Variants in MGAT4A observed in about 807,000 individuals in gnomAD.
The protein encoded by MGAT4A is N-acetylglucosaminyltransferase IVa.
A neutral mutation model predicts 74.1 loss-of-function variants in MGAT4A; 33 were observed. The observed-to-expected ratio is 0.45, with a 90% confidence interval of 0.34 to 0.60. The LOEUF is 0.60. Among genes scored for constraint, MGAT4A ranks in the 20% least tolerant of loss-of-function variants. The pLI is 0.02. For synonymous variants in MGAT4A, 198 were observed against 210.4 expected, an observed-to-expected ratio of 0.94 and a Z score of 0.51; for missense variants, 479 against 628.3, an observed-to-expected ratio of 0.76 and a Z score of 2.54.
At chr2:98,714,473 T>A (rs1702564920) in intron 2 of MGAT4A, among the ~76,000 whole-genome samples, 1 of 152,104 alleles carries the variant, frequency 6.6e-6, no homozygotes, top group African/African-American at 2.4e-5. Context: ...TCAATTAAAA[T>A]CCAAGGGATC....
At chr2:98,656,976 A>G (rs1701670187) in intron 6 of MGAT4A, among the ~76,000 whole-genome samples, 1 of 152,190 alleles carries the variant, frequency 6.6e-6, no homozygotes, top group South Asian at 2.1e-4. Flanking sequence ...GAAGACATTT[A>G]GCAATGTCTG....
In MGAT4A at chr2:98,627,445, G is replaced by A. The variant is rs571437734; in HGVS notation, c.1469-1610C>T. ...AGCTGGAGTGCGATGGCACGATCTCGGCTCACTGCAACCTCTGCTTCCCAG... is the reference window on the plus strand; with the variant it reads ...AGCTGGAGTGCGATGGCACGATCTCAGCTCACTGCAACCTCTGCTTCCCAG... On this transcript the variant is annotated intron_variant, in intron 14 of 15. Transcript: ENST00000393487. 5.9e-5 allele frequency among the ~76,000 whole-genome samples: 9 copies of A among 151,984 alleles called. No homozygotes were observed. In the East Asian group the frequency reaches 9.7e-4, roughly 16 times the overall value.
intron 14 of MGAT4A, among the ~76,000 whole-genome samples, chr2:98,632,363 C>T (rs1559154678): frequency 6.6e-6 from 1 of 152,152 alleles, no homozygotes; most frequent in African/African-American, 2.4e-5. Flanking sequence ...CATCACACGC[C>T]CTGAAAGGTG....
intron 1 of MGAT4A, among the ~76,000 whole-genome samples, chr2:98,730,731 G>A (rs1042166198): frequency 2.7e-5 from 4 of 150,266 alleles, no homozygotes; most frequent in Admixed American, 6.6e-5. Flanking sequence ...GCCGCAGAGA[G>A]GGCGCGCGAC....
chr2:98,670,331 G>A (rs17514013), intron 4 of MGAT4A, among the ~76,000 whole-genome samples: 35,639 of 151,972 alleles, frequency 0.23, 4,934 homozygotes, highest in Non-Finnish European at 0.32. Flanking sequence ...AGCAGTAATT[G>A]TGCATATGTA....
rs146353697 is a variant in MGAT4A at position 98,718,531 on chromosome 2, C to T, written c.94+7708G>A. On this transcript the variant is annotated intron_variant, in intron 2 of 15. Coordinates refer to ENST00000393487, the MANE Select transcript of MGAT4A (RefSeq NM_012214.3). ...AGTATTTGAACCAAGATCATTCCCC[C>T]CTCTTTTCTCCCCAACCAGTGAGGT... Among the ~76,000 whole-genome samples, 44 of 152,274 alleles carry T rather than the reference C, an allele frequency of 2.9e-4. No individual in the cohort carries two copies. In the South Asian group the frequency reaches 6.2e-3, roughly 22 times the overall value.
intron 5 of MGAT4A, among the ~76,000 whole-genome samples, chr2:98,662,785 T>C (rs1701770424): frequency 6.6e-6 from 1 of 152,196 alleles, no homozygotes; most frequent in Admixed American, 6.5e-5. Context: ...ATTTAAGTCT[T>C]AGAGCTAGAA....
In MGAT4A at chr2:98,705,740, G is replaced by A. The variant is rs1702417317; in HGVS notation, c.94+20499C>T. Among the ~76,000 whole-genome samples the A allele has an allele frequency of 2.0e-5, 3 of 151,924 alleles. No individual in the cohort carries two copies. In the South Asian group the frequency reaches 6.2e-4, roughly 31 times the overall value. On this transcript the variant is annotated intron_variant, in intron 2 of 15. Transcript: ENST00000393487. ...AGGTGGATCATGAGGTCAGGAGATC[G>A]AGACCATCCTGGCTAACAAGGTGAA...
Position 98,726,351 on chromosome 2 carries a change from T to C in MGAT4A, c.-19A>G. The C allele has an allele frequency of 6.2e-7, 1 of 1,600,618 alleles. No homozygotes were observed. The highest frequency in any genetic ancestry group is 8.6e-7 in the Non-Finnish European group (1 of 1,169,008). ...GCCTCATCTCATTTCACCATCACAC[T>C]GGTCCATATGTTTATGATGACAACA... On this transcript the variant is annotated 5_prime_UTR_variant, in exon 2 of 16. Coordinates refer to ENST00000393487, the MANE Select transcript of MGAT4A (RefSeq NM_012214.3).
chr2:98,710,946 C>T (rs78506505), intron 2 of MGAT4A, among the ~76,000 whole-genome samples: 4 of 151,308 alleles, frequency 2.6e-5, no homozygotes, highest in Non-Finnish European at 4.4e-5. Context: ...AGAAGAACGG[C>T]GGGTGGGGAG....
intron 1 of MGAT4A, among the ~76,000 whole-genome samples, chr2:98,729,596 A>C (rs1443577003): frequency 6.6e-6 from 1 of 152,252 alleles, no homozygotes; most frequent in Non-Finnish European, 1.5e-5. Context: ...CCCAAAGGTG[A>C]ATGGAACTTT....
At chr2:98,631,655 G>A (rs907240689) in intron 14 of MGAT4A, among the ~76,000 whole-genome samples, 4 of 152,218 alleles carry the variant, frequency 2.6e-5, no homozygotes, top group African/African-American at 9.6e-5. Flanking sequence ...AGCCTAGGCA[G>A]CCCGACTCCA....
chr2:98,626,041 T>C (rs1559153069), intron 14 of MGAT4A, among the ~76,000 whole-genome samples: 1 of 152,160 alleles, frequency 6.6e-6, no homozygotes, highest in South Asian at 2.1e-4. Context: ...AACTTCACAA[T>C]TTACTTAATT....
At chr2:98,683,607 G>C (rs568816414) in intron 2 of MGAT4A, among the ~76,000 whole-genome samples, 2 of 152,036 alleles carry the variant, frequency 1.3e-5, no homozygotes, top group South Asian at 4.2e-4. Flanking sequence ...GCAGATATAG[G>C]CTCAGTCTTT....
chr2:98,719,445 A>G (rs566948550), intron 2 of MGAT4A, among the ~76,000 whole-genome samples: 2 of 152,320 alleles, frequency 1.3e-5, no homozygotes, highest in East Asian at 1.9e-4. Context: ...AAACCAGCAA[A>G]TAACAACAGG....
rs982456835 is a variant in MGAT4A at position 98,619,551 on chromosome 2, T to C, written c.*6015A>G. ...ACAATTGTTACACTTTGCTGATTTC[T>C]AAATCTTTCTTAGAAAACATTACTG... is the stretch of plus-strand genomic sequence containing the variant. On this transcript the variant is annotated 3_prime_UTR_variant, in exon 16 of 16. Transcript: ENST00000393487. 1 of 152,210 alleles carries C rather than the reference T, an allele frequency of 6.6e-6. No homozygotes were observed. The highest frequency in any genetic ancestry group is 2.4e-5 in the African/African-American group (1 of 41,444). The allele number at this position is 152,210 out of a possible 1,614,324, so 9.4% of individuals were successfully genotyped here.
intron 2 of MGAT4A, among the ~76,000 whole-genome samples, chr2:98,719,575 G>C (rs1182886471): frequency 2.0e-5 from 3 of 151,732 alleles, no homozygotes; most frequent in Non-Finnish European, 4.4e-5. Context: ...CACCAAACGG[G>C]GAAAAAAAAC....
At chr2:98,687,987 C>T (rs1241379343) in intron 2 of MGAT4A, among the ~76,000 whole-genome samples, 1 of 152,188 alleles carries the variant, frequency 6.6e-6, no homozygotes, top group Non-Finnish European at 1.5e-5. Context: ...ATGTGAGCTA[C>T]AGCCTCCTCC....
chr2:98,668,579 C>G (rs978142555), intron 4 of MGAT4A, among the ~76,000 whole-genome samples: 1 of 152,180 alleles, frequency 6.6e-6, no homozygotes, highest in Non-Finnish European at 1.5e-5. Flanking sequence ...GGGTCAGAGC[C>G]CCCCCAGCAG....
Sources: gnomAD v4.1 joint callset for allele counts (sites outside exome capture counted in the v4.1 genomes callset) on GRCh38, gnomAD v4.1.1 for gene constraint, MANE v1.5 for transcripts, NCBI Gene and HGNC (gene_info 2026-07-23, HGNC 2026-07-21) for gene names.